The following FREM2 variants were observed in gnomAD, a reference collection of about 807,000 sequenced individuals.
FREM2 encodes the protein FRAS1-related extracellular matrix protein 2.
A neutral mutation model predicts 219.9 loss-of-function variants in FREM2; 119 were observed. The ratio of observed to expected loss-of-function variants is 0.54; its 90% CI spans 0.47 to 0.63. The LOEUF is 0.63. FREM2 is among the 30% of genes least tolerant of loss of function. The probability of loss-of-function intolerance (pLI) is 0.00; values close to 1 mark genes in which losing one functional copy is unlikely to be tolerated. For synonymous variants in FREM2, 1,562 were observed against 1,522.8 expected, an observed-to-expected ratio of 1.03 and a Z score of -0.60; for missense variants, 4,030 against 3,993.6, an observed-to-expected ratio of 1.01 and a Z score of -0.25.
chr13:38,742,164 C>T (rs1872274388), intron 2 of FREM2, among the ~76,000 whole-genome samples: 1 of 152,166 alleles, frequency 6.6e-6, no homozygotes, highest in Non-Finnish European at 1.5e-5. Context: ...CCTGTCTTTA[C>T]AAGTCCTATT....
intron 6 of FREM2, among the ~76,000 whole-genome samples, chr13:38,812,157 C>T (rs1412173217): frequency 2.0e-5 from 3 of 151,984 alleles, no homozygotes; most frequent in Admixed American, 6.6e-5. Context: ...TATCTTTTTC[C>T]ATTCATTTAT....
chr13:38,862,806 A>G (rs910956098), intron 15 of FREM2, among the ~76,000 whole-genome samples: 2 of 152,180 alleles, frequency 1.3e-5, no homozygotes, highest in Non-Finnish European at 2.9e-5. Context: ...GGGGAAAAAA[A>G]AAGAAGTCTA....
At chr13:38,809,399 C>T (rs765166577) in intron 6 of FREM2, among the ~76,000 whole-genome samples, 2 of 151,362 alleles carry the variant, frequency 1.3e-5, no homozygotes, top group Non-Finnish European at 2.9e-5. Flanking sequence ...AGATTTTTTG[C>T]CCTGACCAAT....
chr13:38,883,636 A>G lies in FREM2; in HGVS notation c.*2849A>G, dbSNP rs939701374. On this transcript the variant is annotated 3_prime_UTR_variant, in exon 24 of 24. Coordinates refer to ENST00000280481, the MANE Select transcript of FREM2 (RefSeq NM_207361.6). ...TACTGGTGCTCACCTAGGATTGGCT[A>G]TTCTGAGGGATTGCATAGAAACCAA... 1 of 152,142 alleles carries G rather than the reference A, an allele frequency of 6.6e-6. No individual in the cohort carries two copies. Among genetic ancestry groups the G allele is most frequent in the African/African-American group, 2.4e-5 (1 of 41,438 alleles). 9.4% of individuals were successfully genotyped at this position (152,142 alleles called of 1,614,324 possible).
At chr13:38,741,385 C>G (rs920642057) in intron 2 of FREM2, among the ~76,000 whole-genome samples, 1 of 152,186 alleles carries the variant, frequency 6.6e-6, no homozygotes, top group African/African-American at 2.4e-5. Context: ...TCCAGCAAGT[C>G]ACAAACCACC....
At chr13:38,808,913 A>G (rs1040707832) in intron 6 of FREM2, among the ~76,000 whole-genome samples, 3 of 151,894 alleles carry the variant, frequency 2.0e-5, no homozygotes, top group Admixed American at 2.0e-4. Context: ...ATCTGTGAAG[A>G]ACAATAAAGC....
Position 38,692,379 on chromosome 13 carries a change from A to T in FREM2, c.5035A>T (p.Ile1679Phe). Residue 1679 changes from isoleucine (I) to phenylalanine (F), a missense_variant, in exon 1 of 24, where the codon ATC (isoleucine) becomes TTC (phenylalanine). Ile to Phe is a conservative substitution (Grantham distance 21). Coordinates refer to ENST00000280481, the MANE Select transcript of FREM2 (RefSeq NM_207361.6). ...TLATGHLGFM[I>F]TSKILKVEDR... Reference sequence around the variant, plus strand: ...AGCCACTGGCCACTTGGGGTTCATGATCACAAGCAAAATATTGAAAGTGGA... The same window carrying T: ...AGCCACTGGCCACTTGGGGTTCATGTTCACAAGCAAAATATTGAAAGTGGA... 1.9e-6 allele frequency: 3 copies of T among 1,608,738 alleles called. No individual in the cohort carries two copies. Among genetic ancestry groups the T allele is most frequent in the Non-Finnish European group, 2.5e-6 (3 of 1,176,674 alleles).
intron 2 of FREM2, among the ~76,000 whole-genome samples, chr13:38,733,564 A>G (rs117279471): frequency 0.013 from 2,056 of 152,332 alleles, 21 homozygotes; most frequent in South Asian, 0.029. Context: ...GAAAAAACAT[A>G]CACTAGAGGA....
At chr13:38,854,247 T>C (rs1877477602) in intron 11 of FREM2, among the ~76,000 whole-genome samples, 1 of 151,792 alleles carries the variant, frequency 6.6e-6, no homozygotes, top group Non-Finnish European at 1.5e-5. Context: ...AAGTATACTA[T>C]CAGAAAACAA....
intron 6 of FREM2, among the ~76,000 whole-genome samples, chr13:38,828,978 G>C (rs1461127973): frequency 3.3e-5 from 5 of 151,920 alleles, no homozygotes; most frequent in Non-Finnish European, 5.9e-5. Context: ...ATTACATTCA[G>C]TTTTAGATGT....
intron 6 of FREM2, among the ~76,000 whole-genome samples, chr13:38,827,865 C>T (rs1470428238): frequency 3.3e-5 from 5 of 152,042 alleles, no homozygotes; most frequent in Admixed American, 1.3e-4. Context: ...GAGAACTTAA[C>T]GAAGAGGAGA....
intron 22 of FREM2, 132 bp from the exon 23 acceptor site, chr13:38,878,699 T>C: frequency 1.0e-6 from 1 of 955,368 alleles, no homozygotes. Context: ...AACAAAATGA[T>C]CATTTTTAGT....
intron 2 of FREM2, among the ~76,000 whole-genome samples, chr13:38,724,494 A>G (rs1181248715): frequency 6.6e-6 from 1 of 152,250 alleles, no homozygotes; most frequent in Non-Finnish European, 1.5e-5. Context: ...TATTATTTAC[A>G]GAACTAAAGA....
At chr13:38,726,141 G>T (rs980012464) in intron 2 of FREM2, among the ~76,000 whole-genome samples, 1 of 152,192 alleles carries the variant, frequency 6.6e-6, no homozygotes, top group Non-Finnish European at 1.5e-5. Flanking sequence ...AGCCTGGACA[G>T]TGACAGTAAC....
chr13:38,831,762 T>C lies in FREM2; in HGVS notation c.6020-14811T>C, dbSNP rs181076518. Among the ~76,000 whole-genome samples, 742 of 145,060 alleles carry C rather than the reference T, an allele frequency of 5.1e-3. 6 individuals carry two copies. The highest frequency in any genetic ancestry group is 0.018 in the African/African-American group (717 of 39,708). On this transcript the variant is annotated intron_variant, in intron 6 of 23. Transcript: ENST00000280481. Reference sequence around the variant, plus strand: ...GTAGCTGGGACTACAGGTGTGCACCTCATGCCAGACTGAATTTTTTTTTTT... The same window carrying C: ...GTAGCTGGGACTACAGGTGTGCACCCCATGCCAGACTGAATTTTTTTTTTT...
At chr13:38,861,241 T>C (rs1416812967) in intron 14 of FREM2, among the ~76,000 whole-genome samples, 190 bp from the exon 15 acceptor site, 5 of 152,248 alleles carry the variant, frequency 3.3e-5, no homozygotes, top group African/African-American at 4.8e-5. Flanking sequence ...CCACTAACTG[T>C]CTGCTGTGAT....
chr13:38,736,122 T>C (rs1871984113), intron 2 of FREM2, among the ~76,000 whole-genome samples: 1 of 152,214 alleles, frequency 6.6e-6, no homozygotes, highest in South Asian at 2.1e-4. Flanking sequence ...CGCTGTTTAT[T>C]CAGCCCAGCT....
At position 38,786,481 on chromosome 13, in the gene FREM2, G is replaced by A. The variant is rs544920646; in HGVS notation, c.6019+1673G>A. ...GAAGTTCTATTCTGATTTAAATAAA[G>A]TACAGAAATTTTATTTTAACTTTAA... On this transcript the variant is annotated intron_variant, in intron 6 of 23. Coordinates refer to ENST00000280481, the MANE Select transcript of FREM2 (RefSeq NM_207361.6). 3.8e-4 allele frequency among the ~76,000 whole-genome samples: 58 copies of A among 152,176 alleles called. 1 individual carries two copies. The South Asian group carries it at 0.012, about 31-fold the overall frequency.
chr13:38,759,287 T>G (rs982839947), intron 2 of FREM2, among the ~76,000 whole-genome samples: 3 of 152,098 alleles, frequency 2.0e-5, no homozygotes, highest in African/African-American at 7.2e-5. Flanking sequence ...CAAGAAGAAA[T>G]TTGTTGTCAA....
Sources: gnomAD v4.1 joint callset for allele counts (sites outside exome capture counted in the v4.1 genomes callset) on GRCh38, gnomAD v4.1.1 for gene constraint, MANE v1.5 for transcripts, NCBI Gene and HGNC (gene_info 2026-07-23, HGNC 2026-07-21) for gene names.